The following LDB2 variants were observed in gnomAD, a reference collection of about 807,000 sequenced individuals.
The protein encoded by LDB2 is LIM domain-binding protein 2.
LDB2 carries 12 observed loss-of-function variants against 44.3 expected under a neutral mutation model. The ratio of observed to expected loss-of-function variants is 0.27; its 90% CI spans 0.17 to 0.44. The LOEUF (loss-of-function observed/expected upper bound fraction) is 0.44. Ranked by LOEUF, LDB2 falls within the 20% of genes least tolerant of loss-of-function variation. The pLI, the probability that LDB2 is intolerant of heterozygous loss-of-function variation, is 1.00. For synonymous variants in LDB2, 164 were observed against 174.8 expected (o/e 0.94, Z 0.49); for missense variants, 344 against 473.5 (o/e 0.73, Z 2.54).
In LDB2 at chr4:16,533,437, T is replaced by TGG. The variant is rs1730782414; in HGVS notation, c.616-21334_616-21333insCC. ...TCTACACATACAAGAAATCGCAAAC[T>TGG]TCAGAGCCCTGGTTGCTGAGTTCCA... On this transcript the variant is annotated intron_variant, in intron 5 of 7. Transcript: ENST00000304523. The surrounding 1 kb of genome is among the most constrained non-coding windows in gnomAD (Gnocchi z 4.1). 6.6e-6 allele frequency among the ~76,000 whole-genome samples: 1 copy of TGG among 152,178 alleles called. No individual in the cohort carries two copies.
At chr4:16,585,057 C>T (rs1315103945) in intron 5 of LDB2, among the ~76,000 whole-genome samples, 1 of 152,150 alleles carries the variant, frequency 6.6e-6, no homozygotes, top group African/African-American at 2.4e-5. Flanking sequence ...AGACGATATG[C>T]CCAGCAGTAC....
intron 2 of LDB2, among the ~76,000 whole-genome samples, chr4:16,749,582 A>AT (rs1561091834): frequency 1.0e-5 from 1 of 96,590 alleles, no homozygotes; most frequent in African/African-American, 4.4e-5. Context: ...ATAAAAAAAT[A>AT]AAAAAAAATA....
intron 5 of LDB2, chr4:16,581,377 C>A: frequency 1.0e-6 from 1 of 981,898 alleles, no homozygotes; most frequent in Non-Finnish European, 1.2e-6. Context: ...AACTTACTCC[C>A]AAGCCCATGT....
At chr4:16,517,513 C>T (rs1372782559) in intron 5 of LDB2, among the ~76,000 whole-genome samples, 1 of 152,210 alleles carries the variant, frequency 6.6e-6, no homozygotes, top group East Asian at 1.9e-4. Flanking sequence ...ATGTCTGCAA[C>T]ATCTGCAGCA....
chr4:16,761,020 T>TC (rs1561135262), intron 1 of LDB2, among the ~76,000 whole-genome samples: 1 of 151,774 alleles, frequency 6.6e-6, no homozygotes, highest in African/African-American at 2.4e-5. Flanking sequence ...TTTTTTTTTT[T>TC]CTCTTCAATA....
intron 2 of LDB2, among the ~76,000 whole-genome samples, chr4:16,630,508 C>A (rs1731627547): frequency 6.6e-6 from 1 of 152,094 alleles, no homozygotes; most frequent in African/African-American, 2.4e-5. Context: ...ACCATCAACG[C>A]CGTATAAAGA....
At chr4:16,515,017 G>A (rs1040801461) in intron 5 of LDB2, among the ~76,000 whole-genome samples, 3 of 152,108 alleles carry the variant, frequency 2.0e-5, no homozygotes, top group African/African-American at 4.8e-5. Flanking sequence ...TCACAATAGC[G>A]AAGACGTGGA....
intron 5 of LDB2, among the ~76,000 whole-genome samples, chr4:16,560,373 G>A (rs1307277620): frequency 1.3e-5 from 2 of 152,104 alleles, no homozygotes; most frequent in Non-Finnish European, 1.5e-5. Context: ...AATAAAAAAT[G>A]ATAAAGGGGA....
chr4:16,540,351 G>T (rs1253999712), intron 5 of LDB2, among the ~76,000 whole-genome samples: 1 of 152,162 alleles, frequency 6.6e-6, no homozygotes, highest in Non-Finnish European at 1.5e-5. Context: ...GTTTCAAGAT[G>T]AAAGAGGGTG....
intron 5 of LDB2, among the ~76,000 whole-genome samples, chr4:16,581,773 C>T (rs1173137861): frequency 6.6e-6 from 1 of 152,150 alleles, no homozygotes; most frequent in African/African-American, 2.4e-5. Context: ...GTCCAGATCC[C>T]TGAACTGCCA....
At chr4:16,553,534 G>GTTGTTGT (rs948886031) in intron 5 of LDB2, among the ~76,000 whole-genome samples, 3 of 151,966 alleles carry the variant, frequency 2.0e-5, no homozygotes, top group Non-Finnish European at 4.4e-5. Flanking sequence ...TTTTTTTGTT[G>GTTGTTGT]TTGTTGTTTG....
intron 3 of LDB2, among the ~76,000 whole-genome samples, chr4:16,593,158 A>G (rs1462050984): frequency 6.6e-6 from 1 of 152,196 alleles, no homozygotes; most frequent in Non-Finnish European, 1.5e-5. Context: ...CCAAATTTTC[A>G]TAAAAGCAAC....
chr4:16,661,607 T>A (rs996384569), intron 2 of LDB2, among the ~76,000 whole-genome samples: 2 of 152,212 alleles, frequency 1.3e-5, no homozygotes, highest in African/African-American at 4.8e-5. Context: ...CTGTGGCTAT[T>A]AGTATGGCTA....
chr4:16,769,144 A>G (rs1339857650), intron 1 of LDB2, among the ~76,000 whole-genome samples: 4 of 152,150 alleles, frequency 2.6e-5, no homozygotes, highest in Non-Finnish European at 4.4e-5. Flanking sequence ...CATCACACCT[A>G]TGGAATTCGG....
Position 16,826,488 on chromosome 4 carries a change from C to G in LDB2, c.133-67228G>C, listed in dbSNP as rs188501059. 7.6e-4 allele frequency: 115 copies of G among 152,280 alleles called. 1 individual carries two copies. Among genetic ancestry groups the G allele is most frequent in the Middle Eastern group, 6.8e-3 (2 of 294 alleles). The allele number at this position is 152,280 out of a possible 1,614,324, so 9.4% of individuals were successfully genotyped here. A position where few individuals can be genotyped will look rare whatever the true frequency, so the allele number is the denominator to read the frequency against. On this transcript the variant is annotated intron_variant, in intron 1 of 7. Transcript: ENST00000304523. Reference sequence around the variant, plus strand: ...TGTGTAAATCCTGAAATTTCTACCTCCAGAATATGAATATTCACCAGTAAA... The same window carrying G: ...TGTGTAAATCCTGAAATTTCTACCTGCAGAATATGAATATTCACCAGTAAA...
At chr4:16,625,715 G>A (rs899522722) in intron 2 of LDB2, among the ~76,000 whole-genome samples, 6 of 152,232 alleles carry the variant, frequency 3.9e-5, no homozygotes, top group South Asian at 4.1e-4. Context: ...GAAAACTTAC[G>A]GAAGTTTAAG....
chr4:16,629,017 G>A (rs10028708), intron 2 of LDB2, among the ~76,000 whole-genome samples: 53,760 of 152,144 alleles, frequency 0.35, 9,692 homozygotes, highest in East Asian at 0.55. Context: ...GCAGCAGTCC[G>A]TGATGGACCT....
At chr4:16,779,784 A>G (rs1409729754) in intron 1 of LDB2, among the ~76,000 whole-genome samples, 1 of 152,230 alleles carries the variant, frequency 6.6e-6, no homozygotes, top group Non-Finnish European at 1.5e-5. Context: ...TGTTCCAGGC[A>G]TCAGCTGGGT....
chr4:16,587,855 CTG>C (rs1467066528), intron 4 of LDB2, among the ~76,000 whole-genome samples: 3 of 152,156 alleles, frequency 2.0e-5, no homozygotes. Context: ...CTCTGCCTGA[CTG>C]TGAGGATTCA....
Sources: allele counts gnomAD v4.1 joint callset (sites outside exome capture counted in the v4.1 genomes callset), GRCh38; gene constraint gnomAD v4.1.1; non-coding constraint Gnocchi (gnomAD v3.1); transcripts MANE v1.5; gene names NCBI Gene and HGNC (gene_info 2026-07-23, HGNC 2026-07-21).